Variants in XKR6 observed in about 807,000 individuals in gnomAD.
XKR6 encodes XK related 6.
Under a neutral mutation model 56.7 loss-of-function variants are expected in XKR6, and 22 were observed. The ratio of observed to expected loss-of-function variants is 0.39; its 90% confidence interval spans 0.28 to 0.55. The LOEUF is 0.55. Among genes scored for constraint, XKR6 ranks in the 20% least tolerant of loss-of-function variants. XKR6 has a pLI of 0.66. For synonymous variants in XKR6, 524 were observed against 387.8 expected (o/e 1.35, Z -4.13); for missense variants, 852 against 889.0 (o/e 0.96, Z 0.53).
intron 1 of XKR6, among the ~76,000 whole-genome samples, chr8:11,022,577 G>A (rs566752346): frequency 8.7e-4 from 132 of 152,298 alleles, no homozygotes; most frequent in Non-Finnish European, 1.3e-3. Flanking sequence ...TGGGTGAAGC[G>A]GGCGGCAGGA....
intron 1 of XKR6, among the ~76,000 whole-genome samples, chr8:11,030,664 GTTA>G (rs140824447): frequency 0.14 from 21,595 of 152,062 alleles, 1,723 homozygotes; most frequent in Non-Finnish European, 0.19. Flanking sequence ...GAGGGACTCA[GTTA>G]ATCCCTTGTA....
intron 1 of XKR6, among the ~76,000 whole-genome samples, chr8:10,928,206 A>G (rs1800953962): frequency 6.6e-6 from 1 of 152,110 alleles, no homozygotes. Flanking sequence ...TGGGGCCCGG[A>G]CGGGACCAGA....
intron 1 of XKR6, among the ~76,000 whole-genome samples, chr8:11,040,151 C>T (rs553572318): frequency 2.0e-4 from 30 of 152,136 alleles, no homozygotes; most frequent in Admixed American, 1.8e-3. Flanking sequence ...CTTCCACTCC[C>T]TTGTCCATAA....
At chr8:10,959,565 G>A (rs1264741709) in intron 1 of XKR6, among the ~76,000 whole-genome samples, 2 of 152,144 alleles carry the variant, frequency 1.3e-5, no homozygotes, top group African/African-American at 4.8e-5. Flanking sequence ...TCCTCACGTG[G>A]TGGAGAGAGG....
chr8:10,991,512 G>A (rs915047583), intron 1 of XKR6, among the ~76,000 whole-genome samples: 2 of 152,186 alleles, frequency 1.3e-5, no homozygotes, highest in Non-Finnish European at 2.9e-5. Flanking sequence ...GGAACACGAT[G>A]AGTCTATCTT....
chr8:10,926,488 C>G (rs1404625953), intron 1 of XKR6, among the ~76,000 whole-genome samples: 2 of 152,252 alleles, frequency 1.3e-5, no homozygotes, highest in Non-Finnish European at 2.9e-5. Flanking sequence ...CCTCATTTCT[C>G]TCCAGACCCA....
Position 10,897,950 on chromosome 8 carries a change from T to A in XKR6, c.*2A>T. ...CCCCTTCTCAACTTGGTCAAGATGC[T>A]CTTAGAGTGAAGACTCATACTGTAG... On this transcript the variant is annotated 3_prime_UTR_variant, in exon 3 of 3. Coordinates refer to ENST00000416569, the MANE Select transcript of XKR6 (RefSeq NM_173683.4). 6.4e-7 allele frequency: 1 copy of A among 1,560,928 alleles called. No homozygotes were observed. The highest frequency in any genetic ancestry group is 1.2e-5 in the South Asian group (1 of 81,932).
At chr8:10,913,990 G>C (rs1464534653) in intron 2 of XKR6, among the ~76,000 whole-genome samples, 1 of 152,194 alleles carries the variant, frequency 6.6e-6, no homozygotes, top group Admixed American at 6.5e-5. Flanking sequence ...ATGCAGTCAG[G>C]ACTCTCCTTT....
chr8:11,045,784 T>C (rs1799397285), intron 1 of XKR6, among the ~76,000 whole-genome samples: 2 of 152,216 alleles, frequency 1.3e-5, no homozygotes. Flanking sequence ...GGCAGTGCAC[T>C]GGTGTGACTT....
intron 1 of XKR6, among the ~76,000 whole-genome samples, chr8:10,947,390 T>C (rs1323374241): frequency 2.0e-5 from 3 of 152,048 alleles, no homozygotes; most frequent in African/African-American, 4.8e-5. Context: ...CAATCCAGGC[T>C]GGAGATGCAG....
chr8:11,131,301 C>T (rs76152367), intron 1 of XKR6, among the ~76,000 whole-genome samples: 3,031 of 152,108 alleles, frequency 0.02, 139 homozygotes, highest in African/African-American at 0.07. Flanking sequence ...CTGGATTATG[C>T]CTCTTTAGCT....
At chr8:11,113,182 G>C (rs536848679) in intron 1 of XKR6, among the ~76,000 whole-genome samples, 3 of 152,280 alleles carry the variant, frequency 2.0e-5, no homozygotes, top group Admixed American at 1.3e-4. Context: ...GTTACATGTA[G>C]TGAAAGAAAT....
rs1199430726 is a variant in XKR6, at chr8:10,936,210, G to C, written c.765-11380C>G. 1.5e-3 allele frequency among the ~76,000 whole-genome samples: 226 copies of C among 149,434 alleles called. 1 individual carries two copies. Among genetic ancestry groups the C allele is most frequent in the Admixed American group, 3.5e-3 (52 of 14,912 alleles). Reference sequence around the variant, plus strand: ...GGTTTAAAGTCTGTTTTATCAGAGAGTAGGATTGCAACCCCTGCCTTTTTT... The same window carrying C: ...GGTTTAAAGTCTGTTTTATCAGAGACTAGGATTGCAACCCCTGCCTTTTTT... On this transcript the variant is annotated intron_variant, in intron 1 of 2. Transcript: ENST00000416569.
At chr8:11,038,129 G>A (rs546487631) in intron 1 of XKR6, among the ~76,000 whole-genome samples, 6 of 152,224 alleles carry the variant, frequency 3.9e-5, no homozygotes, top group African/African-American at 1.4e-4. Context: ...ATCGAAAGGG[G>A]CCGGTTTTTC....
chr8:11,097,873 GTT>G (rs34606632), intron 1 of XKR6, among the ~76,000 whole-genome samples: 8,927 of 146,478 alleles, frequency 0.061, 461 homozygotes, highest in African/African-American at 0.13. Flanking sequence ...AAATTCTACA[GTT>G]TTTTTTTTTA....
chr8:11,165,440 T>C lies in XKR6; in HGVS notation c.764+35136A>G, dbSNP rs115431102. On this transcript the variant is annotated intron_variant, in intron 1 of 2. Transcript: ENST00000416569. ...GCAAAGAACTGCAGGTGTACTTCTT[T>C]AGTTTTAGGGAGAATTTTAACCAAA... is the stretch of plus-strand genomic sequence containing the variant. 3.1e-3 allele frequency among the ~76,000 whole-genome samples: 477 copies of C among 152,174 alleles called. 3 individuals are homozygous for C. Among genetic ancestry groups the C allele is most frequent in the African/African-American group, 0.011 (448 of 41,516 alleles).
intron 1 of XKR6, among the ~76,000 whole-genome samples, chr8:11,091,413 G>C (rs758114802): frequency 7.0e-6 from 1 of 143,254 alleles, no homozygotes. Flanking sequence ...CTCCAGTCTG[G>C]GCAACAGAAT....
At chr8:10,907,096 G>A (rs896476853) in intron 2 of XKR6, among the ~76,000 whole-genome samples, 12 of 152,138 alleles carry the variant, frequency 7.9e-5, no homozygotes, top group Non-Finnish European at 1.6e-4. Context: ...AGAAGAGACG[G>A]CAATCACATT....
intron 2 of XKR6, among the ~76,000 whole-genome samples, chr8:10,900,129 G>A (rs1160596999): frequency 1.3e-5 from 2 of 152,060 alleles, no homozygotes; most frequent in Non-Finnish European, 2.9e-5. Flanking sequence ...TGTCCCACTG[G>A]CAACGACCTC....
Sources: allele counts gnomAD v4.1 joint callset (sites outside exome capture counted in the v4.1 genomes callset), GRCh38; gene constraint gnomAD v4.1.1; transcripts MANE v1.5; gene names NCBI Gene and HGNC (gene_info 2026-07-23, HGNC 2026-07-21).